STXBP4: variants seen among roughly 807,000 people sequenced by gnomAD.
The protein encoded by STXBP4 is syntaxin-binding protein 4.
A neutral mutation model predicts 76.1 loss-of-function variants in STXBP4; 55 were observed. That is an observed-to-expected ratio of 0.72 (90% CI 0.58 to 0.91). The LOEUF (loss-of-function observed/expected upper bound fraction) is 0.91. Ranked by LOEUF, STXBP4 falls within the 40% of genes least tolerant of loss-of-function variation. STXBP4 has a pLI of 0.00. For synonymous variants in STXBP4, 201 were observed against 220.2 expected (o/e 0.91, Z 0.77); for missense variants, 618 against 636.9 (o/e 0.97, Z 0.32).
the STXBP4 span, among the ~76,000 whole-genome samples, chr17:55,213,021 T>C: frequency 6.6e-6 from 1 of 152,300 alleles, no homozygotes; most frequent in South Asian, 2.1e-4. Context: ...AAACTGGTTG[T>C]GTGTGTCCTG....
chr17:55,090,320 C>T (rs1333633315), intron 16 of STXBP4, among the ~76,000 whole-genome samples: 1 of 151,990 alleles, frequency 6.6e-6, no homozygotes, highest in Non-Finnish European at 1.5e-5. Context: ...ATACAGGAAG[C>T]TTTAAATGTA....
At chr17:55,140,582 A>C (rs903797603) in intron 16 of STXBP4, among the ~76,000 whole-genome samples, 5 of 152,140 alleles carry the variant, frequency 3.3e-5, no homozygotes, top group Admixed American at 1.3e-4. Context: ...GGCTGCCTCA[A>C]CTTGGGGCTG....
At chr17:54,988,331 G>T (rs1274402152) in intron 3 of STXBP4, among the ~76,000 whole-genome samples, 1 of 152,200 alleles carries the variant, frequency 6.6e-6, no homozygotes, top group African/African-American at 2.4e-5. Flanking sequence ...GCTGGAGATT[G>T]TTTGTGCCCC....
At chr17:55,026,192 C>T (rs915249654) in intron 8 of STXBP4, among the ~76,000 whole-genome samples, 11 of 152,038 alleles carry the variant, frequency 7.2e-5, no homozygotes, top group South Asian at 2.1e-4. Flanking sequence ...CTCCCCACGT[C>T]GGTATACAGA....
intron 16 of STXBP4, among the ~76,000 whole-genome samples, chr17:55,102,185 G>C (rs1449384437): frequency 6.6e-6 from 1 of 150,568 alleles, no homozygotes; most frequent in Non-Finnish European, 1.5e-5. Flanking sequence ...TTGCAGTGTT[G>C]TTACATGGGT....
intron 16 of STXBP4, among the ~76,000 whole-genome samples, chr17:55,094,164 G>GT (rs2079452969): frequency 9.6e-6 from 1 of 103,636 alleles, no homozygotes; most frequent in Admixed American, 1.1e-4. Context: ...TTGAGGGACA[G>GT]GAAAAAAAAA....
At chr17:55,062,708 CCCA>C (rs1284118466) in intron 12 of STXBP4, among the ~76,000 whole-genome samples, 1 of 152,174 alleles carries the variant, frequency 6.6e-6, no homozygotes, top group Non-Finnish European at 1.5e-5. Flanking sequence ...AATTTACACT[CCCA>C]CCAACAGTGT....
At chr17:55,124,732 G>C (rs1567772992) in intron 16 of STXBP4, among the ~76,000 whole-genome samples, 1 of 152,198 alleles carries the variant, frequency 6.6e-6, no homozygotes, top group Admixed American at 6.5e-5. Context: ...CAGCCTGAGA[G>C]GCTTAAACAA....
chr17:55,149,614 A>G (rs945475357), intron 17 of STXBP4, among the ~76,000 whole-genome samples: 10 of 152,158 alleles, frequency 6.6e-5, no homozygotes, highest in South Asian at 6.2e-4. Context: ...CTATTTGCCA[A>G]TGGAGGAGTT....
At chr17:55,152,884 T>C (rs1408775345) in intron 17 of STXBP4, among the ~76,000 whole-genome samples, 3 of 152,192 alleles carry the variant, frequency 2.0e-5, no homozygotes, top group Non-Finnish European at 4.4e-5. Context: ...AACTAGTCAA[T>C]ACATCTTTAA....
intron 16 of STXBP4, among the ~76,000 whole-genome samples, chr17:55,102,043 C>T (rs2079572522): frequency 6.6e-6 from 1 of 152,016 alleles, no homozygotes; most frequent in South Asian, 2.1e-4. Context: ...TCTTTGTACA[C>T]CCATGATGAA....
At chr17:55,014,805 C>T (rs1456618345) in intron 8 of STXBP4, among the ~76,000 whole-genome samples, 3 of 152,188 alleles carry the variant, frequency 2.0e-5, no homozygotes, top group South Asian at 4.1e-4. Flanking sequence ...AAAGTGTCCT[C>T]GTAGGCCACA....
chr17:55,063,517 T>G (rs1311584695), intron 12 of STXBP4, among the ~76,000 whole-genome samples: 2 of 152,214 alleles, frequency 1.3e-5, no homozygotes, highest in African/African-American at 4.8e-5. Flanking sequence ...CATGTCATAC[T>G]TTGGCATCAG....
chr17:55,008,105 T>C (rs2078041839), intron 8 of STXBP4, among the ~76,000 whole-genome samples: 1 of 152,004 alleles, frequency 6.6e-6, no homozygotes, highest in South Asian at 2.1e-4. Flanking sequence ...ATTGAGACTC[T>C]CATGTAAAAG....
At chr17:55,140,430 T>C (rs1304515469) in intron 16 of STXBP4, among the ~76,000 whole-genome samples, 1 of 152,142 alleles carries the variant, frequency 6.6e-6, no homozygotes, top group Non-Finnish European at 1.5e-5. Context: ...AGAGGTAGGC[T>C]ACCTGAGTCG....
chr17:55,140,916 A>AT (rs1175274020), intron 16 of STXBP4, among the ~76,000 whole-genome samples: 1 of 152,190 alleles, frequency 6.6e-6, no homozygotes, highest in Non-Finnish European at 1.5e-5. Flanking sequence ...GAGTGAAAGA[A>AT]TGTAAAGGGA....
rs116997761 is a variant in STXBP4 at position 55,105,560 on chromosome 17, C to A, written c.1489+24377C>A. ...TCAGCTCACTGCAAGCTCTGCCTTC[C>A]GGGTTCATACACCATTCTCCTGCCT... is the stretch of plus-strand genomic sequence containing the variant. On this transcript the variant is annotated intron_variant, in intron 16 of 17. Transcript: ENST00000376352. Among the ~76,000 whole-genome samples the A allele has an allele frequency of 3.4e-3, 521 of 151,296 alleles. 13 individuals carry two copies. Among genetic ancestry groups the A allele is most frequent in the Middle Eastern group, 0.027 (8 of 292 alleles).
intron 16 of STXBP4, among the ~76,000 whole-genome samples, chr17:55,115,972 G>A (rs574137329): frequency 6.6e-6 from 1 of 151,912 alleles, no homozygotes; most frequent in African/African-American, 2.4e-5. Context: ...ATTCTTTTCT[G>A]AATTGTTGAG....
chr17:55,035,125 T>C (rs1341454766), intron 10 of STXBP4, among the ~76,000 whole-genome samples: 1 of 152,008 alleles, frequency 6.6e-6, no homozygotes, highest in Admixed American at 6.6e-5. Flanking sequence ...ATACTAAATT[T>C]CTATCTAGAT....
Sources: allele counts gnomAD v4.1 joint callset (sites outside exome capture counted in the v4.1 genomes callset), GRCh38; gene constraint gnomAD v4.1.1; transcripts MANE v1.5; gene names NCBI Gene and HGNC (gene_info 2026-07-23, HGNC 2026-07-21).